Variants in C1orf141 observed in about 807,000 individuals in gnomAD.
C1orf141 encodes chromosome 1 open reading frame 141, also known as uncharacterized protein C1orf141.
A neutral mutation model predicts 23.2 loss-of-function variants in C1orf141; 19 were observed. That is an observed-to-expected ratio of 0.82 (90% CI 0.57 to 1.20). The LOEUF is 1.20. Ranked by LOEUF, C1orf141 falls within the 50% of genes most tolerant of loss-of-function variation. The pLI, the probability that C1orf141 is intolerant of heterozygous loss-of-function variation, is 0.00. For synonymous variants in C1orf141, 153 were observed against 154.6 expected, an observed-to-expected ratio of 0.99 and a Z score of 0.08; for missense variants, 469 against 455.1, an observed-to-expected ratio of 1.03 and a Z score of -0.28.
intron 1 of C1orf141, among the ~76,000 whole-genome samples, chr1:67,141,367 C>A (rs1411334734): frequency 3.9e-5 from 6 of 152,024 alleles, no homozygotes; most frequent in African/African-American, 1.5e-4. Flanking sequence ...AACACTTCAA[C>A]ATGGCCAAAA....
At position 67,093,016 on chromosome 1, in the gene C1orf141, T is replaced by C; in HGVS notation, c.1192A>G (p.Asn398Asp). The stretch of plus-strand genomic sequence containing the variant: ...GCATACATAATATTTTATGAGGCAT[T>C]TAAAATTTCATTTGATAAGTTTAAC... ...NLLNLSNEIL[N>D]AS is the part of the protein sequence containing the mutation. Residue 398 changes from asparagine to aspartate, a missense_variant, in exon 8 of 8, where the codon AAT becomes GAT. Around this residue, in one of 3 missense-constraint regions of C1orf141, gnomAD observed 370 missense variants for 348.1 expected, o/e 1.06. Coordinates refer to ENST00000684719, the MANE Select transcript of C1orf141 (RefSeq NM_001276351.2). The C allele has an allele frequency of 6.3e-7, 1 of 1,579,960 alleles. No homozygotes were observed. Among genetic ancestry groups the C allele is most frequent in the Non-Finnish European group, 8.6e-7 (1 of 1,156,786 alleles).
At chr1:67,140,888 T>G (rs1339270079) in intron 1 of C1orf141, among the ~76,000 whole-genome samples, 4 of 152,206 alleles carry the variant, frequency 2.6e-5, no homozygotes, top group Non-Finnish European at 5.9e-5. Context: ...AAAATGAATT[T>G]AGAGATATTA....
chr1:67,109,055 C>T (rs913201774), intron 5 of C1orf141, among the ~76,000 whole-genome samples: 3 of 152,004 alleles, frequency 2.0e-5, no homozygotes, highest in African/African-American at 7.2e-5. Context: ...TAGGCCGGTG[C>T]GGTGGCTCAT....
At chr1:67,109,844 G>C (rs1297269490) in intron 5 of C1orf141, among the ~76,000 whole-genome samples, 1 of 151,896 alleles carries the variant, frequency 6.6e-6, no homozygotes, top group Non-Finnish European at 1.5e-5. Flanking sequence ...GAAAGTCCAA[G>C]AAAAAACATA....
chr1:67,127,110 T>C (rs898513422), intron 3 of C1orf141, 56 bp downstream of exon 3: 116 of 1,202,034 alleles, frequency 9.7e-5, no homozygotes, highest in Non-Finnish European at 1.3e-4. Context: ...ATTATTCACA[T>C]TTGAAATGTT....
At chr1:67,101,504 A>G (rs1163899862) in intron 5 of C1orf141, among the ~76,000 whole-genome samples, 1 of 140,462 alleles carries the variant, frequency 7.1e-6, no homozygotes. Context: ...GTAGGTGGTT[A>G]TAACAGGGGA....
intron 4 of C1orf141, among the ~76,000 whole-genome samples, chr1:67,116,294 C>A (rs537594329): frequency 1.0e-3 from 156 of 152,244 alleles, no homozygotes; most frequent in African/African-American, 3.7e-3. Context: ...TCTTTTATTT[C>A]TCTTTCTCTC....
intron 4 of C1orf141, among the ~76,000 whole-genome samples, chr1:67,115,697 T>G (rs563308492): frequency 6.6e-6 from 1 of 152,186 alleles, no homozygotes; most frequent in African/African-American, 2.4e-5. Flanking sequence ...TGTGATAGCA[T>G]TGAGGGCACT....
At chr1:67,134,148 C>T (rs1363590989) in intron 1 of C1orf141, among the ~76,000 whole-genome samples, 1 of 152,142 alleles carries the variant, frequency 6.6e-6, no homozygotes, top group African/African-American at 2.4e-5. Flanking sequence ...GGACTACAGG[C>T]GCCCACCACC....
chr1:67,093,407 T>C lies in C1orf141; in HGVS notation c.801A>G (p.Lys267=). 6.2e-7 allele frequency: 1 copy of C among 1,612,660 alleles called. No individual in the cohort carries two copies. Among genetic ancestry groups the C allele is most frequent in the Non-Finnish European group, 8.5e-7 (1 of 1,179,392 alleles). Residue 267 remains lysine (K), a synonymous_variant, in exon 8 of 8, where the codon AAA becomes AAG. Transcript: ENST00000684719. ...IIGNQSISLF[K]PQKTMPTVQR... Reference sequence around the variant, plus strand: ...GTACTGTAGGCATAGTTTTTTGGGGTTTGAAAAGAGAAATAGATTGATTGC... The same window carrying C: ...GTACTGTAGGCATAGTTTTTTGGGGCTTGAAAAGAGAAATAGATTGATTGC...
chr1:67,133,975 G>C (rs531211976), intron 1 of C1orf141, among the ~76,000 whole-genome samples: 305 of 152,216 alleles, frequency 2.0e-3, no homozygotes, highest in Middle Eastern at 3.4e-3. Flanking sequence ...GCTTAGTTCC[G>C]CATTATGCAT....
rs1201353141 is a variant in C1orf141 at position 67,093,020 on chromosome 1, A to G, written c.1188T>C (p.Ile396=). 1.3e-6 allele frequency: 2 copies of G among 1,580,640 alleles called. No homozygotes were observed. Among genetic ancestry groups the G allele is most frequent in the Non-Finnish European group, 1.7e-6 (2 of 1,157,402 alleles). ...ACATAATATTTTATGAGGCATTTAA[A>G]ATTTCATTTGATAAGTTTAACAAAT... is the stretch of plus-strand genomic sequence containing the variant. ...LDNLLNLSNE[I]LNAS Residue 396 remains isoleucine, a synonymous_variant, in exon 8 of 8, where the codon ATT becomes ATC. Transcript: ENST00000684719.
chr1:67,093,480 G>A lies in C1orf141; in HGVS notation c.728C>T (p.Thr243Ile), dbSNP rs533053169. ...ACAATTTCTTTCTAAAATGAAATTT[G>A]TTCTTTTATGTGGGTAAATGTTTTC... ...ENENIYPHKRTNFILERNCEI... is the reference protein window; with the variant it reads ...ENENIYPHKRINFILERNCEI... Residue 243 changes from threonine to isoleucine, a missense_variant, in exon 8 of 8, where the codon ACA becomes ATA. Thr to Ile is a moderately conservative substitution (Grantham distance 89). Transcript: ENST00000684719. 9.3e-6 allele frequency: 15 copies of A among 1,608,636 alleles called. No individual in the cohort carries two copies. The Admixed American group carries it at 1.0e-4, about 11-fold the overall frequency.
chr1:67,106,913 T>C (rs1645940583), intron 5 of C1orf141, among the ~76,000 whole-genome samples: 1 of 152,014 alleles, frequency 6.6e-6, no homozygotes, highest in South Asian at 2.1e-4. Context: ...TATGAAAAAA[T>C]AGAGATTCAG....
intron 5 of C1orf141, among the ~76,000 whole-genome samples, chr1:67,102,265 AAG>A (rs1203261897): frequency 6.7e-6 from 1 of 150,100 alleles, no homozygotes; most frequent in Non-Finnish European, 1.5e-5. Context: ...GACAGAGAGA[AAG>A]AGAGATAATT....
At chr1:67,103,807 A>C (rs1645861729) in intron 5 of C1orf141, among the ~76,000 whole-genome samples, 2 of 152,106 alleles carry the variant, frequency 1.3e-5, no homozygotes, top group African/African-American at 4.8e-5. Flanking sequence ...TGAGTAGAGA[A>C]GAAACTGAAA....
At chr1:67,100,972 G>GAGTACTCTGTTTAT in intron 5 of C1orf141, among the ~76,000 whole-genome samples, 1 of 151,744 alleles carries the variant, frequency 6.6e-6, no homozygotes, top group East Asian at 2.0e-4. Flanking sequence ...TGGTGGCGGT[G>GAGTACTCTGTTTAT]AGTACTCTGT....
chr1:67,139,818 G>A (rs1012511201), upstream of C1orf141, among the ~76,000 whole-genome samples: 2 of 152,176 alleles, frequency 1.3e-5, no homozygotes, highest in Non-Finnish European at 2.9e-5. Flanking sequence ...CTGTCCTACA[G>A]GAAAGACCCA....
chr1:67,123,341 A>G (rs915962375), intron 4 of C1orf141: 2 of 152,152 alleles, frequency 1.3e-5, no homozygotes, highest in African/African-American at 4.8e-5. Flanking sequence ...CATGGTTTAT[A>G]AGCAATGTAT....
Sources: gnomAD v4.1 joint callset for allele counts (sites outside exome capture counted in the v4.1 genomes callset) on GRCh38, gnomAD v4.1.1 for gene constraint, gnomAD v4.1.1 regional missense constraint, MANE v1.5 for transcripts, NCBI Gene and HGNC (gene_info 2026-07-23, HGNC 2026-07-21) for gene names.